The following TBC1D16 variants were observed in gnomAD, a reference collection of about 807,000 sequenced individuals.
TBC1D16 encodes TBC1 domain family member 16.
A neutral mutation model predicts 74.7 loss-of-function variants in TBC1D16; 58 were observed. That is an observed-to-expected ratio of 0.78 (90% CI 0.63 to 0.97). The LOEUF (loss-of-function observed/expected upper bound fraction) is 0.97, where lower values mean the gene tolerates loss of function less well. Ranked by LOEUF, TBC1D16 falls within the 50% of genes least tolerant of loss-of-function variation. TBC1D16 has a pLI of 0.00. For missense variants in TBC1D16, 1,014 were observed against 1,079.5 expected (o/e 0.94, Z 0.85); for synonymous variants, 493 against 474.7 (o/e 1.04, Z -0.50).
At position 79,988,400 on chromosome 17, in the gene TBC1D16, C is replaced by T. The variant is rs1410337623; in HGVS notation, c.779+21760G>A. On this transcript the variant is annotated intron_variant, in intron 3 of 11. Transcript: ENST00000310924. This position sits in a 1 kb window ranked among gnomAD's most constrained non-coding sequence, Gnocchi z 5.7. The stretch of plus-strand genomic sequence containing the variant: ...CCAAACTGAAACATTTTCCTTTTGT[C>T]GACTGTAGAGAGCTATGAGTCAGGT... Among the ~76,000 whole-genome samples the T allele has an allele frequency of 1.3e-5, 2 of 152,240 alleles. No individual in the cohort carries two copies. Among genetic ancestry groups the T allele is most frequent in the Non-Finnish European group, 2.9e-5 (2 of 68,038 alleles).
chr17:80,018,956 T>C (rs1256220029), intron 1 of TBC1D16, among the ~76,000 whole-genome samples: 4 of 150,134 alleles, frequency 2.7e-5, no homozygotes, highest in African/African-American at 1.0e-4. Flanking sequence ...CTTAAGCACG[T>C]CAAAGTTCTG....
chr17:79,973,036 C>G (rs965682740), intron 3 of TBC1D16, among the ~76,000 whole-genome samples: 13 of 152,130 alleles, frequency 8.5e-5, no homozygotes, highest in African/African-American at 2.9e-4. Flanking sequence ...GAGCCGAGAT[C>G]GTCCTGCTAC....
chr17:79,970,650 TG>T (rs1459459916), intron 3 of TBC1D16, among the ~76,000 whole-genome samples: 2 of 151,908 alleles, frequency 1.3e-5, no homozygotes, highest in African/African-American at 4.8e-5. Flanking sequence ...AAACGGGTCA[TG>T]GGGTGCTCTA....
chr17:80,034,454 G>A (rs1370066779), intron 1 of TBC1D16, among the ~76,000 whole-genome samples: 1 of 151,914 alleles, frequency 6.6e-6, no homozygotes. Context: ...CGCTCGCCTC[G>A]TCCTCCCAAA....
Position 79,981,907 on chromosome 17 carries a change from G to GCGCACACACACA in TBC1D16, c.779+28241_779+28252dup, listed in dbSNP as rs898677369. Among the ~76,000 whole-genome samples, 3 of 152,316 alleles carry GCGCACACACACA rather than the reference G, an allele frequency of 2.0e-5. No homozygotes were observed. Among genetic ancestry groups the GCGCACACACACA allele is most frequent in the African/African-American group, 7.2e-5 (3 of 41,574 alleles). ...ACGCGGCCCTCCGGGGCTTCCCTGT[G>GCGCACACACACA]CGCACACACACACGCACACACACAC... On this transcript the variant is annotated intron_variant, in intron 3 of 11. Transcript: ENST00000310924. This position sits in a 1 kb window ranked among gnomAD's most constrained non-coding sequence, Gnocchi z 6.9.
intron 1 of TBC1D16, among the ~76,000 whole-genome samples, chr17:80,029,981 G>A (rs532215081): frequency 8.5e-5 from 13 of 152,106 alleles, no homozygotes; most frequent in South Asian, 2.1e-4. Flanking sequence ...AGCAGTGGCC[G>A]ATCGAGTCCT....
At position 79,949,043 on chromosome 17, in the gene TBC1D16, T is replaced by C. The variant is rs755979982; in HGVS notation, c.1407-37A>G. ...CGAGCACCCAGCCGGGGTCAGCGGG[T>C]GGCACCCAGAGGCATCGTGTGGCGC... On this transcript the variant is annotated intron_variant, in intron 7 of 11. Coordinates refer to ENST00000310924, the MANE Select transcript of TBC1D16 (RefSeq NM_019020.4). 5 of 1,612,894 alleles carry C rather than the reference T, an allele frequency of 3.1e-6. No homozygotes were observed. In the South Asian group the frequency reaches 5.5e-5, roughly 18 times the overall value.
intron 3 of TBC1D16, among the ~76,000 whole-genome samples, chr17:79,968,710 G>A (rs970917544): frequency 1.1e-4 from 17 of 151,746 alleles, no homozygotes; most frequent in African/African-American, 3.1e-4. Flanking sequence ...AAAATTAGCC[G>A]GGCATTGTGG....
chr17:79,961,007 A>G lies in TBC1D16; in HGVS notation c.780-8189T>C, dbSNP rs1048412916. 1.3e-5 allele frequency among the ~76,000 whole-genome samples: 2 copies of G among 152,152 alleles called. No individual in the cohort carries two copies. Among genetic ancestry groups the G allele is most frequent in the African/African-American group, 2.4e-5 (1 of 41,430 alleles). On this transcript the variant is annotated intron_variant, in intron 3 of 11. Transcript: ENST00000310924. This position sits in a 1 kb window ranked among gnomAD's most constrained non-coding sequence, Gnocchi z 4.8. Reference sequence around the variant, plus strand: ...CCCAAAATACATGGAAAATGTTCACACGAAATCTGTGTGTGAATGTTTATA... The same window carrying G: ...CCCAAAATACATGGAAAATGTTCACGCGAAATCTGTGTGTGAATGTTTATA...
chr17:79,962,120 A>G (rs1568591934), intron 3 of TBC1D16, among the ~76,000 whole-genome samples: 1 of 152,174 alleles, frequency 6.6e-6, no homozygotes, highest in Admixed American at 6.5e-5. Flanking sequence ...GAGTGATGCA[A>G]AGCAGATGCA....
Position 79,942,138 on chromosome 17 carries a change from C to T in TBC1D16, c.1977G>A (p.Gln659=), listed in dbSNP as rs751041575. Residue 659 remains glutamine (Q), a synonymous_variant, in exon 11 of 12, where the codon CAG becomes CAA. Coordinates refer to ENST00000310924, the MANE Select transcript of TBC1D16 (RefSeq NM_019020.4). ...VAIYGDDVIE[Q]QLATDQMLLH... Reference sequence around the variant, plus strand: ...GGAGCATCTGGTCCGTGGCCAGCTGCTGCTCGATGACGTCATCCCCGTAGA... The same window carrying T: ...GGAGCATCTGGTCCGTGGCCAGCTGTTGCTCGATGACGTCATCCCCGTAGA... The T allele has an allele frequency of 7.4e-6, 12 of 1,611,126 alleles. No individual in the cohort carries two copies. In the Admixed American group the frequency reaches 1.7e-4, roughly 22 times the overall value.
chr17:79,978,736 CG>C (rs2034447815), intron 3 of TBC1D16, among the ~76,000 whole-genome samples: 1 of 152,182 alleles, frequency 6.6e-6, no homozygotes, highest in Non-Finnish European at 1.5e-5. Context: ...CGTGATTACA[CG>C]GTGTTATTCA....
chr17:79,972,043 G>A (rs930414786), intron 3 of TBC1D16, among the ~76,000 whole-genome samples: 7 of 152,212 alleles, frequency 4.6e-5, no homozygotes, highest in Non-Finnish European at 7.3e-5. Flanking sequence ...TGTGTACCCC[G>A]TGTTCACAGC....
chr17:79,972,781 C>T (rs2034167874), intron 3 of TBC1D16, among the ~76,000 whole-genome samples: 1 of 152,112 alleles, frequency 6.6e-6, no homozygotes, highest in South Asian at 2.1e-4. Context: ...CTCAACTGTG[C>T]ACTTACAAAT....
Position 79,988,455 on chromosome 17 carries a change from G to A in TBC1D16, c.779+21705C>T, listed in dbSNP as rs897561774. Among the ~76,000 whole-genome samples the A allele has an allele frequency of 1.2e-4, 19 of 152,244 alleles. No individual in the cohort carries two copies. Among genetic ancestry groups the A allele is most frequent in the Non-Finnish European group, 2.4e-4 (16 of 68,046 alleles). Reference sequence around the variant, plus strand: ...GCTCCACTGGGCGTATGCCCAAGGGGCAGAGGGGGCAGCAACCGGACGGAA... The same window carrying A: ...GCTCCACTGGGCGTATGCCCAAGGGACAGAGGGGGCAGCAACCGGACGGAA... On this transcript the variant is annotated intron_variant, in intron 3 of 11. Coordinates refer to ENST00000310924, the MANE Select transcript of TBC1D16 (RefSeq NM_019020.4). This position sits in a 1 kb window ranked among gnomAD's most constrained non-coding sequence, Gnocchi z 5.7.
At chr17:80,012,114 C>T (rs2035918778) in intron 2 of TBC1D16, among the ~76,000 whole-genome samples, 1 of 152,178 alleles carries the variant, frequency 6.6e-6, no homozygotes, top group Non-Finnish European at 1.5e-5. Context: ...ACTCTCCAGG[C>T]CTCTACAACT....
Position 80,000,857 on chromosome 17 carries a change from C to G in TBC1D16, c.779+9303G>C, listed in dbSNP as rs2144591907. ...CTTGGATTCACAGCTGGGTCTCTGA[C>G]CAAAGCTCACTTACAGGCCTCACCC... On this transcript the variant is annotated intron_variant, in intron 3 of 11. Transcript: ENST00000310924. The surrounding 1 kb of genome is among the most constrained non-coding windows in gnomAD (Gnocchi z 4.1). Among the ~76,000 whole-genome samples the G allele has an allele frequency of 6.6e-6, 1 of 152,346 alleles. No homozygotes were observed. Among genetic ancestry groups the G allele is most frequent in the East Asian group, 1.9e-4 (1 of 5,188 alleles).
chr17:80,023,320 G>A (rs986488227), intron 1 of TBC1D16, among the ~76,000 whole-genome samples: 1 of 149,814 alleles, frequency 6.7e-6, no homozygotes, highest in Non-Finnish European at 1.5e-5. Flanking sequence ...GGGGTATTGC[G>A]AACGGGCTCC....
Position 79,944,946 on chromosome 17 carries a change from C to A in TBC1D16, c.1870G>T (p.Ala624Ser). ...CFKREFPEAE[A>S]LRIWEACWAH... ...CAGCAGGCCTCCCAGATCCGCAGCG[C>A]TTCGGCCTCGGGGAACTCCCGCTTG... The change falls in exon 10 of 12, where the codon GCG becomes TCG. Residue 624 changes from alanine (A) to serine (S), a missense_variant. Coordinates refer to ENST00000310924, the MANE Select transcript of TBC1D16 (RefSeq NM_019020.4). The surrounding 1 kb of genome is among the most constrained non-coding windows in gnomAD (Gnocchi z 7.7). The A allele has an allele frequency of 6.4e-7, 1 of 1,554,154 alleles. No homozygotes were observed. The highest frequency in any genetic ancestry group is 8.7e-7 in the Non-Finnish European group (1 of 1,148,674).
Sources: gnomAD v4.1 joint callset for allele counts (sites outside exome capture counted in the v4.1 genomes callset) on GRCh38, gnomAD v4.1.1 for gene constraint, Gnocchi (gnomAD v3.1) non-coding constraint, MANE v1.5 for transcripts, NCBI Gene and HGNC (gene_info 2026-07-23, HGNC 2026-07-21) for gene names.